The following BAZ2B variants were observed in gnomAD, a reference collection of about 807,000 sequenced individuals.
The protein encoded by BAZ2B is bromodomain adjacent to zinc finger domain 2B.
In BAZ2B, 91 loss-of-function variants were observed where a neutral mutation model predicts 246.0. The ratio of observed to expected loss-of-function variants is 0.37; its 90% CI spans 0.31 to 0.44. The LOEUF (loss-of-function observed/expected upper bound fraction) is 0.44, where lower values mean the gene tolerates loss of function less well. Ranked by LOEUF, BAZ2B falls within the 20% of genes least tolerant of loss-of-function variation. The pLI is 1.00. For missense variants in BAZ2B, 2,332 were observed against 2,533.7 expected, an observed-to-expected ratio of 0.92 and a Z score of 1.71; for synonymous variants, 855 against 860.0, an observed-to-expected ratio of 0.99 and a Z score of 0.10.
In BAZ2B at chr2:159,324,956, T is replaced by A; in HGVS notation, c.6210-2A>T. ...GTTTCCATTTCAGTCAGAATCATAC[T>A]AAAGAAAATAATGTTTGAAATCAGT... is the stretch of plus-strand genomic sequence containing the variant. On this transcript the variant is annotated splice_acceptor_variant, in intron 35 of 36. Coordinates refer to ENST00000392783, the MANE Select transcript of BAZ2B (RefSeq NM_013450.4). LOFTEE classifies it high-confidence loss of function. 6.6e-7 allele frequency: 1 copy of A among 1,508,028 alleles called. No individual in the cohort carries two copies. Among genetic ancestry groups the A allele is most frequent in the Non-Finnish European group, 8.8e-7 (1 of 1,140,360 alleles). 93.4% of individuals were successfully genotyped at this position (1,508,028 alleles called of 1,614,324 possible).
At chr2:159,370,473 C>T (rs2060722230) in intron 27 of BAZ2B, among the ~76,000 whole-genome samples, 1 of 145,132 alleles carries the variant, frequency 6.9e-6, no homozygotes, top group South Asian at 2.2e-4. Context: ...CGGGTTCATG[C>T]CATTCTCCTG....
intron 34 of BAZ2B, among the ~76,000 whole-genome samples, chr2:159,328,841 A>G (rs1235089006): frequency 6.6e-6 from 1 of 152,152 alleles, no homozygotes; most frequent in African/African-American, 2.4e-5. Flanking sequence ...AAAATATAAA[A>G]CAAAGGCCGG....
At chr2:159,496,061 G>A (rs775703381) in intron 2 of BAZ2B, among the ~76,000 whole-genome samples, 39 of 147,870 alleles carry the variant, frequency 2.6e-4, no homozygotes, top group Non-Finnish European at 4.8e-4. Context: ...GAGCCACCGC[G>A]CCCAGCCAGA....
chr2:159,590,443 T>C (rs1331590875), intron 1 of BAZ2B, among the ~76,000 whole-genome samples: 1 of 151,308 alleles, frequency 6.6e-6, no homozygotes, highest in East Asian at 1.9e-4. Context: ...TACAAAAAAT[T>C]AGCCAGGCGT....
intron 2 of BAZ2B, among the ~76,000 whole-genome samples, chr2:159,491,953 T>G (rs2080556501): frequency 2.0e-5 from 3 of 152,176 alleles, no homozygotes; most frequent in Admixed American, 6.5e-5. Flanking sequence ...AACTGTCATC[T>G]AATTCATTCC....
chr2:159,429,285 T>A (rs1193500224), intron 10 of BAZ2B, 25 bp from the exon 11 acceptor site: 1 of 1,387,724 alleles, frequency 7.2e-7, no homozygotes, highest in Admixed American at 2.0e-5. Context: ...AATTGGTTAA[T>A]ATAAAACATT....
intron 13 of BAZ2B, among the ~76,000 whole-genome samples, chr2:159,424,023 A>C (rs1426891535): frequency 6.6e-6 from 1 of 152,142 alleles, no homozygotes; most frequent in Non-Finnish European, 1.5e-5. Flanking sequence ...GTTGAGAGAA[A>C]AATAAATAAA....
chr2:159,685,547 A>C, the BAZ2B span, among the ~76,000 whole-genome samples: 1 of 152,198 alleles, frequency 6.6e-6, no homozygotes, highest in Non-Finnish European at 1.5e-5. Flanking sequence ...ATGAGAGAAA[A>C]TAGAAGAAAA....
chr2:159,617,311 T>C (rs2151848693), upstream of BAZ2B, among the ~76,000 whole-genome samples: 1 of 152,204 alleles, frequency 6.6e-6, no homozygotes, highest in South Asian at 2.1e-4. Context: ...TTTTTACCCT[T>C]CCACTCCCCC....
At chr2:159,613,394 A>G (rs1695116509) in intron 1 of BAZ2B, among the ~76,000 whole-genome samples, 1 of 151,560 alleles carries the variant, frequency 6.6e-6, no homozygotes, top group South Asian at 2.1e-4. Context: ...TCCAACCATT[A>G]TAAGAACACA....
the BAZ2B span, among the ~76,000 whole-genome samples, chr2:159,637,663 T>C: frequency 6.6e-6 from 1 of 152,062 alleles, no homozygotes; most frequent in East Asian, 1.9e-4. Context: ...ACTCAAGCAA[T>C]CCTCCCACCA....
At chr2:159,324,117 A>G (rs934425071) in intron 36 of BAZ2B, among the ~76,000 whole-genome samples, 6 of 152,146 alleles carry the variant, frequency 3.9e-5, no homozygotes, top group African/African-American at 1.4e-4. Flanking sequence ...TATTTTCACC[A>G]AAAGAATGTA....
intron 26 of BAZ2B, among the ~76,000 whole-genome samples, chr2:159,374,374 T>C (rs2061191569): frequency 6.6e-6 from 1 of 152,228 alleles, no homozygotes; most frequent in Non-Finnish European, 1.5e-5. Context: ...AACTATGCCT[T>C]AATTGACATT....
chr2:159,630,004 T>C, the BAZ2B span, among the ~76,000 whole-genome samples: 1 of 152,044 alleles, frequency 6.6e-6, no homozygotes, highest in Non-Finnish European at 1.5e-5. Flanking sequence ...AAGGATAAAT[T>C]AAAACCTTTA....
At chr2:159,652,338 T>C in the BAZ2B span, among the ~76,000 whole-genome samples, 1 of 151,894 alleles carries the variant, frequency 6.6e-6, no homozygotes. Context: ...CCCTCCCATA[T>C]AGCTGAGATT....
At chr2:159,565,130 C>G (rs980790354) in intron 1 of BAZ2B, among the ~76,000 whole-genome samples, 4 of 152,186 alleles carry the variant, frequency 2.6e-5, no homozygotes, top group Non-Finnish European at 4.4e-5. Context: ...CTTGGCCTCC[C>G]AAAGTGCTGG....
At chr2:159,583,136 C>T (rs1369464784) in intron 1 of BAZ2B, among the ~76,000 whole-genome samples, 2 of 140,564 alleles carry the variant, frequency 1.4e-5, no homozygotes, top group Non-Finnish European at 3.0e-5. Context: ...TTTGTTGAGA[C>T]GGAGTCTCAC....
At chr2:159,488,712 G>T (rs1185285697) in intron 2 of BAZ2B, among the ~76,000 whole-genome samples, 1 of 151,720 alleles carries the variant, frequency 6.6e-6, no homozygotes, top group East Asian at 1.9e-4. Context: ...TTTTTTAGGG[G>T]GAAGAACTAA....
chr2:159,372,593 C>T (rs1318752288), intron 27 of BAZ2B, among the ~76,000 whole-genome samples: 1 of 152,142 alleles, frequency 6.6e-6, no homozygotes, highest in East Asian at 1.9e-4. Flanking sequence ...AGGAAGTGAT[C>T]ACAAATTTCA....
Sources: allele counts gnomAD v4.1 joint callset (sites outside exome capture counted in the v4.1 genomes callset), GRCh38; gene constraint gnomAD v4.1.1; transcripts MANE v1.5; gene names NCBI Gene and HGNC (gene_info 2026-07-23, HGNC 2026-07-21).